TCEANC2: variants seen among roughly 807,000 people sequenced by gnomAD.
The protein encoded by TCEANC2 is transcription elongation factor A N-terminal and central domain containing 2, also known as transcription elongation factor A N-terminal and central domain-containing protein 2.
A neutral mutation model predicts 22.8 loss-of-function variants in TCEANC2; 20 were observed. The observed-to-expected ratio is 0.88, with a 90% CI of 0.62 to 1.28. The LOEUF is 1.28. Among genes scored for constraint, TCEANC2 ranks in the 50% most tolerant of loss-of-function variants. The probability of loss-of-function intolerance (pLI) is 0.00; values close to 1 mark genes in which losing one functional copy is unlikely to be tolerated. For synonymous variants in TCEANC2, 84 were observed against 95.5 expected (o/e 0.88, Z 0.70); for missense variants, 251 against 249.7 (o/e 1.01, Z -0.03).
At chr1:54,069,815 G>T (rs1288229210) in intron 3 of TCEANC2, among the ~76,000 whole-genome samples, 1 of 152,150 alleles carries the variant, frequency 6.6e-6, no homozygotes, top group East Asian at 1.9e-4. Flanking sequence ...TAGCATTGGA[G>T]ATATTTAAAA....
intron 2 of TCEANC2, among the ~76,000 whole-genome samples, chr1:54,058,554 C>T (rs906427328): frequency 3.3e-5 from 5 of 152,318 alleles, no homozygotes; most frequent in South Asian, 2.1e-4. Flanking sequence ...TGGCATGGCA[C>T]GTGAGACCTG....
In TCEANC2 at chr1:54,100,457, A is replaced by G. The variant is rs1293392162; in HGVS notation, c.*3984A>G. ...GGCAGATAGACACATAACTAAATAA[A>G]TAGAGTATAGCATATTGGGTGATAA... On this transcript the variant is annotated 3_prime_UTR_variant, in exon 5 of 5. Transcript: ENST00000234827. 6.6e-6 allele frequency: 1 copy of G among 152,228 alleles called. No individual in the cohort carries two copies. The highest frequency in any genetic ancestry group is 2.4e-5 in the African/African-American group (1 of 41,454). 9.4% of individuals were successfully genotyped at this position (152,228 alleles called of 1,614,324 possible). A position where few individuals can be genotyped will look rare whatever the true frequency, so the allele number is the denominator to read the frequency against.
intron 3 of TCEANC2, among the ~76,000 whole-genome samples, chr1:54,080,335 G>A (rs1183943956): frequency 6.6e-6 from 1 of 151,870 alleles, no homozygotes. Context: ...ATAGATATGG[G>A]GTTTCACCAT....
chr1:54,060,266 G>A (rs757447905), intron 2 of TCEANC2, among the ~76,000 whole-genome samples: 6 of 152,138 alleles, frequency 3.9e-5, no homozygotes, highest in South Asian at 2.1e-4. Flanking sequence ...TTAGCTGGGC[G>A]TGGTCGCGCG....
chr1:54,068,343 C>T (rs1657994961), intron 2 of TCEANC2, among the ~76,000 whole-genome samples: 1 of 152,190 alleles, frequency 6.6e-6, no homozygotes. Context: ...AAGTGGGGAA[C>T]TACTGAAGTG....
intron 3 of TCEANC2, among the ~76,000 whole-genome samples, chr1:54,070,460 G>T (rs948108487): frequency 2.6e-5 from 4 of 152,084 alleles, no homozygotes; most frequent in African/African-American, 9.7e-5. Flanking sequence ...ATTTCTATTT[G>T]GTGTTCGAGT....
Position 54,097,269 on chromosome 1 carries a change from TA to T in TCEANC2, c.*798del, listed in dbSNP as rs1379099587. On this transcript the variant is annotated 3_prime_UTR_variant, in exon 5 of 5. Coordinates refer to ENST00000234827, the MANE Select transcript of TCEANC2 (RefSeq NM_153035.3). ...AGGCCTGTTTTAACAATTACGTAAATAATACTTGTTTTTTTAAAAGTAATAG... is the reference window on the plus strand; with the variant it reads ...AGGCCTGTTTTAACAATTACGTAAATATACTTGTTTTTTTAAAAGTAATAG... 1.3e-5 allele frequency: 2 copies of T among 151,968 alleles called. No individual in the cohort carries two copies. Among genetic ancestry groups the T allele is most frequent in the Non-Finnish European group, 2.9e-5 (2 of 68,116 alleles). 9.4% of individuals were successfully genotyped at this position (151,968 alleles called of 1,614,324 possible).
intron 3 of TCEANC2, among the ~76,000 whole-genome samples, 177 bp from the exon 4 acceptor site, chr1:54,088,420 C>T (rs1658378976): frequency 6.6e-6 from 1 of 152,062 alleles, no homozygotes; most frequent in East Asian, 1.9e-4. Flanking sequence ...CTGGTTCTCC[C>T]CCAGTGATTA....
chr1:54,109,023 G>A (rs994904478), downstream of TCEANC2, among the ~76,000 whole-genome samples: 6 of 152,038 alleles, frequency 3.9e-5, no homozygotes, highest in Non-Finnish European at 5.9e-5. Flanking sequence ...TGCCAGGCCC[G>A]GTGACAGGTC....
intron 3 of TCEANC2, among the ~76,000 whole-genome samples, chr1:54,079,415 C>T (rs1240256841): frequency 6.6e-6 from 1 of 152,152 alleles, no homozygotes; most frequent in East Asian, 1.9e-4. Context: ...GTTATGCCAT[C>T]TCCTGAAACC....
intron 2 of TCEANC2, among the ~76,000 whole-genome samples, chr1:54,064,273 T>C (rs1460984359): frequency 1.3e-5 from 2 of 152,166 alleles, no homozygotes; most frequent in South Asian, 2.1e-4. Context: ...TTGTTATTGG[T>C]GGAGGGTGTC....
chr1:54,069,338 T>C (rs749684214), intron 3 of TCEANC2, among the ~76,000 whole-genome samples: 2 of 152,152 alleles, frequency 1.3e-5, no homozygotes, highest in African/African-American at 2.4e-5. Flanking sequence ...CTGGGTGTGG[T>C]GGCTCATGCC....
downstream of TCEANC2, among the ~76,000 whole-genome samples, chr1:54,110,120 T>C (rs1658818465): frequency 6.6e-6 from 1 of 152,224 alleles, no homozygotes; most frequent in South Asian, 2.1e-4. Flanking sequence ...TGCTGGGTAC[T>C]CTGCAGTTTG....
At chr1:54,078,440 C>T (rs1338304441) in intron 3 of TCEANC2, among the ~76,000 whole-genome samples, 2 of 152,084 alleles carry the variant, frequency 1.3e-5, no homozygotes, top group Non-Finnish European at 2.9e-5. Flanking sequence ...AGCCATATGT[C>T]CCTTTATTTT....
intron 3 of TCEANC2, among the ~76,000 whole-genome samples, chr1:54,077,896 T>C: frequency 6.6e-6 from 1 of 152,178 alleles, no homozygotes; most frequent in East Asian, 1.9e-4. Context: ...CCTTAGTCTT[T>C]TGCTGCTTCT....
chr1:54,079,906 C>G (rs559085276), intron 3 of TCEANC2, among the ~76,000 whole-genome samples: 4 of 152,250 alleles, frequency 2.6e-5, no homozygotes, highest in East Asian at 1.9e-4. Context: ...TTATTCCTGT[C>G]TCCTTGAGTT....
At chr1:54,106,328 C>A (rs970698327), downstream of TCEANC2, among the ~76,000 whole-genome samples, 1 of 152,060 alleles carries the variant, frequency 6.6e-6, no homozygotes, top group Non-Finnish European at 1.5e-5. Flanking sequence ...ACAGCACTAT[C>A]TAATAGAAAT....
intron 3 of TCEANC2, 31 bp from the exon 4 acceptor site, chr1:54,088,566 C>G (rs777356632): frequency 3.8e-6 from 6 of 1,567,718 alleles, no homozygotes; most frequent in South Asian, 2.4e-5. Flanking sequence ...ATGTAACAAC[C>G]TTTCCTTTGG....
intron 3 of TCEANC2, among the ~76,000 whole-genome samples, chr1:54,073,868 T>C (rs375212410): frequency 6.6e-5 from 10 of 152,106 alleles, no homozygotes; most frequent in East Asian, 1.9e-4. Context: ...GAGACATACA[T>C]GTAATAAATC....
Sources: gnomAD v4.1 joint callset for allele counts (sites outside exome capture counted in the v4.1 genomes callset) on GRCh38, gnomAD v4.1.1 for gene constraint, MANE v1.5 for transcripts, NCBI Gene and HGNC (gene_info 2026-07-23, HGNC 2026-07-21) for gene names.